The following ARHGEF6 variants were observed in gnomAD, a reference collection of about 807,000 sequenced individuals.
The protein encoded by ARHGEF6 is rho guanine nucleotide exchange factor 6.
ARHGEF6 carries 9 observed loss-of-function variants against 70.3 expected under a neutral mutation model. The ratio of observed to expected loss-of-function variants is 0.13; its 90% CI spans 0.08 to 0.22. ARHGEF6 has a LOEUF of 0.22. Ranked by LOEUF, ARHGEF6 falls within the 10% of genes least tolerant of loss-of-function variation. The pLI is 1.00. For missense variants in ARHGEF6, 470 were observed against 563.0 expected, an observed-to-expected ratio of 0.83 and a Z score of 1.67; for synonymous variants, 201 against 207.8, an observed-to-expected ratio of 0.97 and a Z score of 0.28.
Position 136,719,004 on chromosome X carries a change from T to TAA in ARHGEF6, c.733-5636_733-5635dup, listed in dbSNP as rs35347859. The stretch of plus-strand genomic sequence containing the variant: ...ATTCCTCCTGTGATTTAATACTTGG[T>TAA]AAAAAAAAAAAAAAAAAAAAAGTGA... On this transcript the variant is annotated intron_variant, in intron 6 of 21. Transcript: ENST00000250617. Among the ~76,000 whole-genome samples the TAA allele has an allele frequency of 5.2e-3, 314 of 60,113 alleles. 3 individuals carry two copies. Among genetic ancestry groups the TAA allele is most frequent in the African/African-American group, 0.015 (253 of 17,227 alleles). The allele number at this position is 60,113 out of a possible 115,157, so 52.2% of individuals were successfully genotyped here. A position where few individuals can be genotyped will look rare whatever the true frequency, so the allele number is the denominator to read the frequency against.
chrX:136,737,499 CT>C (rs1463032650), intron 5 of ARHGEF6: 18 of 689,062 alleles, frequency 2.6e-5, no homozygotes, highest in Non-Finnish European at 3.1e-5. Context: ...CACTACATCA[CT>C]TTTTTCAAAC....
At position 136,679,078 on chromosome X, in the gene ARHGEF6, C is replaced by T. The variant is rs975978847; in HGVS notation, c.1830+457G>A. ...AATTCTTTTCTCATTCCAATTGCAGCAAATATCACTTTTATAGTTTGGACT... is the reference window on the plus strand; with the variant it reads ...AATTCTTTTCTCATTCCAATTGCAGTAAATATCACTTTTATAGTTTGGACT... On this transcript the variant is annotated intron_variant, in intron 16 of 21. Transcript: ENST00000250617. 2.7e-5 allele frequency among the ~76,000 whole-genome samples: 3 copies of T among 112,126 alleles called. No homozygotes were observed. In the South Asian group the frequency reaches 1.1e-3, roughly 41 times the overall value.
chrX:136,734,365 T>C (rs1230352322), intron 5 of ARHGEF6, among the ~76,000 whole-genome samples: 1 of 111,345 alleles, frequency 9.0e-6, no homozygotes, highest in Non-Finnish European at 1.9e-5. Context: ...AATGGAATAC[T>C]ACAAACAACT....
chrX:136,767,118 G>A (rs961125159), intron 2 of ARHGEF6: 12 of 753,255 alleles, frequency 1.6e-5, no homozygotes, highest in Non-Finnish European at 1.9e-5. Flanking sequence ...CCCTTCCCCT[G>A]ACCCTTTTGC....
At chrX:136,671,893 A>G in intron 20 of ARHGEF6, 127 bp downstream of exon 20, 1 of 576,968 alleles carries the variant, frequency 1.7e-6, no homozygotes, top group Admixed American at 2.3e-5. Flanking sequence ...TGCACAGCAA[A>G]GCAGGCCGCA....
chrX:136,699,063 G>A (rs1346004916), intron 9 of ARHGEF6, among the ~76,000 whole-genome samples: 1 of 110,755 alleles, frequency 9.0e-6, no homozygotes, highest in Non-Finnish European at 1.9e-5. Flanking sequence ...AAAAATGAAG[G>A]GAAATAGAAA....
intron 5 of ARHGEF6, among the ~76,000 whole-genome samples, chrX:136,742,049 A>G (rs1174312454): frequency 1.8e-5 from 2 of 112,063 alleles, no homozygotes; most frequent in African/African-American, 3.2e-5. Flanking sequence ...AGCCAGGCGC[A>G]GTGGCTCACG....
chrX:136,763,282 T>C (rs1196453971), intron 2 of ARHGEF6, among the ~76,000 whole-genome samples: 2 of 112,247 alleles, frequency 1.8e-5, no homozygotes, highest in East Asian at 2.8e-4. Flanking sequence ...TTCTAATCAG[T>C]TTCAGGGTGA....
chrX:136,738,474 G>GTA (rs780967234), intron 5 of ARHGEF6, among the ~76,000 whole-genome samples: 1 of 112,384 alleles, frequency 8.9e-6, no homozygotes. Context: ...AGACAAGACA[G>GTA]TATACAAAGA....
chrX:136,747,684 GAAA>G (rs140379962), intron 2 of ARHGEF6, 92 bp from the exon 3 acceptor site: 315 of 125,248 alleles, frequency 2.5e-3, no homozygotes, highest in East Asian at 6.9e-3. Context: ...CAGCTCTCCG[GAAA>G]AAAAAAAAAA....
chrX:136,712,562 T>C (rs1248724846), intron 7 of ARHGEF6, among the ~76,000 whole-genome samples: 1 of 112,066 alleles, frequency 8.9e-6, no homozygotes, highest in Non-Finnish European at 1.9e-5. Context: ...ATGATCATGA[T>C]CTCTAGTGAA....
At chrX:136,729,215 C>A (rs937842646) in intron 6 of ARHGEF6, among the ~76,000 whole-genome samples, 4 of 107,194 alleles carry the variant, frequency 3.7e-5, no homozygotes, top group Non-Finnish European at 7.7e-5. Context: ...CACCTGTAAT[C>A]CCAGCGCTTT....
intron 5 of ARHGEF6, among the ~76,000 whole-genome samples, chrX:136,736,411 T>C (rs1212550808): frequency 9.0e-6 from 1 of 111,567 alleles, no homozygotes; most frequent in African/African-American, 3.3e-5. Flanking sequence ...GTATTTTTCA[T>C]GAAATAAGAT....
intron 9 of ARHGEF6, among the ~76,000 whole-genome samples, chrX:136,704,696 A>G (rs1248160702): frequency 8.9e-6 from 1 of 111,744 alleles, no homozygotes; most frequent in African/African-American, 3.3e-5. Flanking sequence ...AGAACTCACT[A>G]TCATAAGAAC....
chrX:136,668,530 C>CTTATTATTA (rs1249508000), intron 21 of ARHGEF6, among the ~76,000 whole-genome samples: 5 of 99,993 alleles, frequency 5.0e-5, no homozygotes, highest in East Asian at 6.1e-4. Context: ...TCTTCTTCTT[C>CTTATTATTA]TTCTTATTAT....
chrX:136,760,860 A>G (rs1198278585), intron 2 of ARHGEF6, among the ~76,000 whole-genome samples: 7 of 112,359 alleles, frequency 6.2e-5, no homozygotes, highest in African/African-American at 2.3e-4. Context: ...AGCTATTTTA[A>G]TTTTAAAATA....
chrX:136,672,703 G>T (rs1029858239), intron 19 of ARHGEF6, among the ~76,000 whole-genome samples: 5 of 112,459 alleles, frequency 4.4e-5, no homozygotes, highest in African/African-American at 1.6e-4. Context: ...CAGCAAAGAT[G>T]TAGGTGTCCT....
intron 2 of ARHGEF6, among the ~76,000 whole-genome samples, chrX:136,776,789 A>G (rs758614485): frequency 2.9e-4 from 32 of 111,009 alleles, no homozygotes; most frequent in Non-Finnish European, 5.3e-4. Context: ...ACAATGTGGG[A>G]GAAAATATTC....
intron 5 of ARHGEF6, among the ~76,000 whole-genome samples, chrX:136,739,197 G>C (rs1303786084): frequency 8.9e-6 from 1 of 111,910 alleles, no homozygotes; most frequent in Admixed American, 9.5e-5. Context: ...AGTTCCCTCT[G>C]ATCTTCTTCT....
Sources: allele counts gnomAD v4.1 joint callset (sites outside exome capture counted in the v4.1 genomes callset), GRCh38; gene constraint gnomAD v4.1.1; transcripts MANE v1.5; gene names NCBI Gene and HGNC (gene_info 2026-07-23, HGNC 2026-07-21).